Variants in DPYD observed in about 807,000 individuals in gnomAD.
The protein encoded by DPYD is dihydropyrimidine dehydrogenase.
A neutral mutation model predicts 116.2 loss-of-function variants in DPYD; 109 were observed. That is an observed-to-expected ratio of 0.94 (90% confidence interval 0.80 to 1.10). DPYD has a LOEUF of 1.10. Among genes scored for constraint, DPYD ranks in the 50% least tolerant of loss-of-function variants. The pLI is 0.00. For synonymous variants in DPYD, 440 were observed against 432.0 expected, an observed-to-expected ratio of 1.02 and a Z score of -0.23; for missense variants, 1,302 against 1,254.5, an observed-to-expected ratio of 1.04 and a Z score of -0.57.
chr1:97,578,900 CA>C (rs1037723220), intron 10 of DPYD, among the ~76,000 whole-genome samples: 27 of 151,208 alleles, frequency 1.8e-4, no homozygotes, highest in African/African-American at 5.8e-4. Flanking sequence ...AAATTTAGAA[CA>C]AAAAAAAGTA....
intron 12 of DPYD, among the ~76,000 whole-genome samples, chr1:97,538,576 C>T (rs1001172314): frequency 1.9e-4 from 29 of 152,226 alleles, no homozygotes; most frequent in African/African-American, 7.0e-4. Flanking sequence ...AGTAGGTCAC[C>T]AATGCAAGAC....
rs1198121035 is a variant in DPYD, at chr1:97,197,279, G to T, written c.2443-4031C>A. 8.5e-5 allele frequency among the ~76,000 whole-genome samples: 13 copies of T among 152,050 alleles called. No homozygotes were observed. The South Asian group carries it at 2.7e-3, about 32-fold the overall frequency. On this transcript the variant is annotated intron_variant, in intron 19 of 22. Coordinates refer to ENST00000370192, the MANE Select transcript of DPYD (RefSeq NM_000110.4). ...CATCATTATCATTTCCTCCACAGGG[G>T]TATTTTTTTTCTTTTGACTATAAAA... is the stretch of plus-strand genomic sequence containing the variant.
intron 9 of DPYD, among the ~76,000 whole-genome samples, chr1:97,594,697 C>T (rs1397113145): frequency 6.6e-6 from 1 of 152,086 alleles, no homozygotes; most frequent in African/African-American, 2.4e-5. Context: ...GACAGTCAAT[C>T]TTTCTGCCTG....
At chr1:97,161,335 G>C (rs985664174) in intron 20 of DPYD, among the ~76,000 whole-genome samples, 10 of 151,906 alleles carry the variant, frequency 6.6e-5, no homozygotes, top group Non-Finnish European at 1.3e-4. Context: ...AAACTCTGTG[G>C]GGCAATGCAA....
chr1:97,670,266 A>G (rs1217038854), intron 8 of DPYD, among the ~76,000 whole-genome samples: 1 of 152,158 alleles, frequency 6.6e-6, no homozygotes, highest in East Asian at 1.9e-4. Flanking sequence ...ACGTAAAACA[A>G]AACAAAACAT....
chr1:97,123,405 C>G (rs971297958), intron 20 of DPYD, among the ~76,000 whole-genome samples: 1 of 151,914 alleles, frequency 6.6e-6, no homozygotes, highest in South Asian at 2.1e-4. Flanking sequence ...ATTATGCTAT[C>G]AAATAAATAT....
intron 18 of DPYD, among the ~76,000 whole-genome samples, chr1:97,303,066 G>C (rs1180070250): frequency 6.6e-6 from 1 of 151,878 alleles, no homozygotes; most frequent in Non-Finnish European, 1.5e-5. Context: ...TACTACTCCA[G>C]GTGCCTCACT....
chr1:97,576,680 TA>T (rs546718293), intron 10 of DPYD, among the ~76,000 whole-genome samples: 53 of 152,304 alleles, frequency 3.5e-4, no homozygotes, highest in Admixed American at 1.2e-3. Context: ...GTTACAAACA[TA>T]AAAAAACTGG....
At chr1:97,095,730 G>C (rs1855364) in intron 21 of DPYD, among the ~76,000 whole-genome samples, 2 of 152,048 alleles carry the variant, frequency 1.3e-5, no homozygotes, top group East Asian at 3.9e-4. Flanking sequence ...TGTTATAACA[G>C]ATTTAATCTC....
intron 3 of DPYD, among the ~76,000 whole-genome samples, chr1:97,767,608 A>G (rs1272482695): frequency 6.6e-6 from 1 of 151,926 alleles, no homozygotes; most frequent in Non-Finnish European, 1.5e-5. Flanking sequence ...CTACCAGACT[A>G]CTCTACAGGC....
chr1:97,181,672 C>G (rs369611738), intron 20 of DPYD, among the ~76,000 whole-genome samples: 1 of 152,082 alleles, frequency 6.6e-6, no homozygotes, highest in Non-Finnish European at 1.5e-5. Context: ...CTGCACAAAG[C>G]AGAGAAGGAA....
chr1:97,614,037 T>C (rs1373614719), intron 8 of DPYD, among the ~76,000 whole-genome samples: 2 of 152,052 alleles, frequency 1.3e-5, no homozygotes, highest in Non-Finnish European at 1.5e-5. Flanking sequence ...AAAAATTTTA[T>C]ATAGCAGCTA....
chr1:97,489,158 A>G (rs942110697), intron 13 of DPYD, among the ~76,000 whole-genome samples: 1 of 152,332 alleles, frequency 6.6e-6, no homozygotes, highest in Non-Finnish European at 1.5e-5. Flanking sequence ...ACACTCACTG[A>G]TATCAGGAAT....
At chr1:97,469,798 A>G (rs1345653765) in intron 13 of DPYD, among the ~76,000 whole-genome samples, 1 of 152,230 alleles carries the variant, frequency 6.6e-6, no homozygotes, top group African/African-American at 2.4e-5. Flanking sequence ...ATACAGAGAA[A>G]TGTGAAAGAT....
At chr1:97,601,618 A>G (rs1655252978) in intron 8 of DPYD, among the ~76,000 whole-genome samples, 1 of 151,996 alleles carries the variant, frequency 6.6e-6, no homozygotes, top group Admixed American at 6.6e-5. Flanking sequence ...AAAGTGTTTC[A>G]TCTGTCACTT....
At position 97,206,641 on chromosome 1, in the gene DPYD, TATATATATATA is replaced by T. The variant is rs1659625852; in HGVS notation, c.2443-13404_2443-13394del. Among the ~76,000 whole-genome samples, 26 of 13,128 alleles carry T rather than the reference TATATATATATA, an allele frequency of 2.0e-3. 1 individual carries two copies. Among genetic ancestry groups the T allele is most frequent in the African/African-American group, 0.018 (21 of 1,140 alleles). The allele number at this position is 13,128 out of a possible 152,430, so 8.6% of individuals were successfully genotyped here. A position where few individuals can be genotyped will look rare whatever the true frequency, so the allele number is the denominator to read the frequency against. ...TTCATGTGAAAACAGGGAGATTTTA[TATATATATATA>T]TATATATATATATATATATATATAT... On this transcript the variant is annotated intron_variant, in intron 19 of 22. Coordinates refer to ENST00000370192, the MANE Select transcript of DPYD (RefSeq NM_000110.4).
At chr1:97,304,992 G>T (rs1667072578) in intron 18 of DPYD, among the ~76,000 whole-genome samples, 2 of 151,866 alleles carry the variant, frequency 1.3e-5, no homozygotes, top group African/African-American at 4.8e-5. Context: ...AGTGGCAAAA[G>T]AACTGAGAGA....
At chr1:97,513,107 G>A (rs1647928871) in intron 13 of DPYD, among the ~76,000 whole-genome samples, 1 of 151,590 alleles carries the variant, frequency 6.6e-6, no homozygotes, top group Non-Finnish European at 1.5e-5. Context: ...GCATTTCACT[G>A]TAAGTCAATG....
intron 7 of DPYD, among the ~76,000 whole-genome samples, chr1:97,682,507 TAGAA>T (rs145689692): frequency 0.011 from 1,744 of 152,178 alleles, 30 homozygotes; most frequent in African/African-American, 0.04. Flanking sequence ...AATCTATTCT[TAGAA>T]AGAATTAGAA....
Sources: allele counts gnomAD v4.1 joint callset (sites outside exome capture counted in the v4.1 genomes callset), GRCh38; gene constraint gnomAD v4.1.1; transcripts MANE v1.5; gene names NCBI Gene and HGNC (gene_info 2026-07-23, HGNC 2026-07-21).